STPG2: variants seen among roughly 807,000 people sequenced by gnomAD.
STPG2 encodes the protein sperm-tail PG-rich repeat-containing protein 2.
STPG2 carries 56 observed loss-of-function variants against 54.2 expected under a neutral mutation model. The observed-to-expected ratio is 1.03, with a 90% CI of 0.83 to 1.29. The LOEUF (loss-of-function observed/expected upper bound fraction) is 1.29. Among genes scored for constraint, STPG2 ranks in the 50% most tolerant of loss-of-function variants. The pLI is 0.00. For synonymous variants in STPG2, 200 were observed against 181.8 expected (o/e 1.10, Z -0.81); for missense variants, 596 against 544.9 (o/e 1.09, Z -0.93).
At chr4:97,978,702 T>C (rs568824023) in intron 6 of STPG2, among the ~76,000 whole-genome samples, 47 of 152,276 alleles carry the variant, frequency 3.1e-4, no homozygotes, top group African/African-American at 1.1e-3. Context: ...TGTATAACTT[T>C]TCAAGGAGAA....
At chr4:97,599,737 T>C (rs1002598023) in intron 10 of STPG2, among the ~76,000 whole-genome samples, 51 of 148,722 alleles carry the variant, frequency 3.4e-4, no homozygotes, top group African/African-American at 1.2e-3. Flanking sequence ...GGCAGGAGAA[T>C]GGCGTGAACC....
intron 10 of STPG2, among the ~76,000 whole-genome samples, chr4:97,640,417 G>T (rs1246521255): frequency 5.3e-5 from 8 of 151,702 alleles, no homozygotes; most frequent in Admixed American, 5.3e-4. Context: ...CCAAAAATTG[G>T]TACAGAAAAG....
chr4:97,918,588 C>CGTGT (rs1731976268), intron 8 of STPG2, among the ~76,000 whole-genome samples: 1 of 151,472 alleles, frequency 6.6e-6, no homozygotes, highest in Non-Finnish European at 1.5e-5. Context: ...TATGTATACA[C>CGTGT]ATATATATAC....
intron 10 of STPG2, among the ~76,000 whole-genome samples, chr4:97,639,737 T>C (rs995177398): frequency 3.3e-5 from 5 of 152,012 alleles, no homozygotes; most frequent in Admixed American, 6.6e-5. Context: ...TGGGAAAACA[T>C]GCGTTTAGTG....
intron 3 of STPG2, among the ~76,000 whole-genome samples, chr4:98,122,569 G>A (rs747056409): frequency 2.0e-5 from 3 of 152,168 alleles, no homozygotes; most frequent in Non-Finnish European, 2.9e-5. Flanking sequence ...ATGGGCTGCT[G>A]GATTTGGCTT....
chr4:98,007,255 C>T (rs1186698877), intron 5 of STPG2, among the ~76,000 whole-genome samples: 2 of 151,984 alleles, frequency 1.3e-5, no homozygotes, highest in Non-Finnish European at 2.9e-5. Context: ...ATCCAGTGAC[C>T]TCTGCCACTC....
At chr4:98,124,332 A>G (rs971473905) in intron 3 of STPG2, among the ~76,000 whole-genome samples, 4 of 152,026 alleles carry the variant, frequency 2.6e-5, no homozygotes, top group African/African-American at 7.2e-5. Flanking sequence ...TTCTTTCCAT[A>G]TGTAGTGCTT....
At chr4:97,981,654 A>T (rs1487790601) in intron 5 of STPG2, among the ~76,000 whole-genome samples, 2 of 151,658 alleles carry the variant, frequency 1.3e-5, no homozygotes, top group African/African-American at 4.8e-5. Flanking sequence ...TAAATAAAAA[A>T]CTATATGATC....
At chr4:97,680,361 T>C (rs1405013692) in intron 10 of STPG2, among the ~76,000 whole-genome samples, 1 of 151,954 alleles carries the variant, frequency 6.6e-6, no homozygotes, top group Non-Finnish European at 1.5e-5. Context: ...TAAGTTGGAT[T>C]CCTAGGTATT....
chr4:97,722,241 C>A (rs1724472551), intron 9 of STPG2, among the ~76,000 whole-genome samples: 1 of 152,080 alleles, frequency 6.6e-6, no homozygotes, highest in South Asian at 2.1e-4. Context: ...TTAATGAAAT[C>A]TATTTCAAAA....
intron 10 of STPG2, among the ~76,000 whole-genome samples, chr4:97,684,569 CCTTA>C (rs1723130648): frequency 6.6e-6 from 1 of 151,862 alleles, no homozygotes; most frequent in African/African-American, 2.4e-5. Flanking sequence ...TAGACAGAGA[CCTTA>C]CATCTTTTAC....
chr4:97,692,330 A>C (rs931500619), intron 10 of STPG2, among the ~76,000 whole-genome samples: 1 of 151,546 alleles, frequency 6.6e-6, no homozygotes, highest in African/African-American at 2.4e-5. Flanking sequence ...CAAGTGAAAT[A>C]GATAGCATAA....
At chr4:97,843,495 T>C (rs1211703740) in intron 8 of STPG2, among the ~76,000 whole-genome samples, 1 of 151,974 alleles carries the variant, frequency 6.6e-6, no homozygotes, top group Non-Finnish European at 1.5e-5. Context: ...AGTAGCAGTG[T>C]TGGCTTTCAT....
At position 97,961,138 on chromosome 4, in the gene STPG2, C is replaced by T. The variant is rs115494731; in HGVS notation, c.933+11142G>A. On this transcript the variant is annotated intron_variant, in intron 7 of 10. Transcript: ENST00000295268. The stretch of plus-strand genomic sequence containing the variant: ...TCAACAAACGTGCTGGGAAAATTGG[C>T]GAGCCAAATGTAGGAGAATGAAACT... 4.7e-3 allele frequency among the ~76,000 whole-genome samples: 706 copies of T among 149,668 alleles called. 2 individuals are homozygous for T. Among genetic ancestry groups the T allele is most frequent in the Non-Finnish European group, 7.4e-3 (500 of 67,564 alleles).
chr4:97,723,238 T>A (rs907307894), intron 9 of STPG2, among the ~76,000 whole-genome samples: 17 of 152,178 alleles, frequency 1.1e-4, no homozygotes, highest in Middle Eastern at 3.4e-3. Flanking sequence ...ATTTTTTTTT[T>A]ATAGTCGTTA....
intron 10 of STPG2, among the ~76,000 whole-genome samples, chr4:97,607,026 T>G (rs1178027960): frequency 1.3e-5 from 2 of 152,062 alleles, no homozygotes; most frequent in Non-Finnish European, 2.9e-5. Flanking sequence ...ACTTAAAAAT[T>G]TTGGAAATAC....
At chr4:97,806,745 T>C (rs1440226825) in intron 9 of STPG2, among the ~76,000 whole-genome samples, 1 of 152,236 alleles carries the variant, frequency 6.6e-6, no homozygotes, top group Middle Eastern at 3.4e-3. Context: ...TTTTGCTTTG[T>C]TTTGTTTTGT....
At chr4:97,738,954 T>G (rs1725121791) in intron 9 of STPG2, among the ~76,000 whole-genome samples, 1 of 152,036 alleles carries the variant, frequency 6.6e-6, no homozygotes, top group Non-Finnish European at 1.5e-5. Flanking sequence ...ATTGACCAAA[T>G]AGTTGGAAGT....
chr4:98,102,225 A>C (rs1739059112), intron 5 of STPG2, among the ~76,000 whole-genome samples: 1 of 152,218 alleles, frequency 6.6e-6, no homozygotes, highest in Non-Finnish European at 1.5e-5. Flanking sequence ...GGTTATCCAA[A>C]TAAAATTACT....
Sources: gnomAD v4.1 joint callset for allele counts (sites outside exome capture counted in the v4.1 genomes callset) on GRCh38, gnomAD v4.1.1 for gene constraint, MANE v1.5 for transcripts, NCBI Gene and HGNC (gene_info 2026-07-23, HGNC 2026-07-21) for gene names.